EYS: variants seen among roughly 807,000 people sequenced by gnomAD.
EYS encodes EGF-like photoreceptor maintenance factor.
EYS carries 250 observed loss-of-function variants against 282.1 expected under a neutral mutation model. The ratio of observed to expected loss-of-function variants is 0.89; its 90% CI spans 0.80 to 0.98. The LOEUF (loss-of-function observed/expected upper bound fraction) is 0.98, where lower values mean the gene tolerates loss of function less well. EYS is among the 50% of genes least tolerant of loss of function. The pLI is 0.00. For synonymous variants in EYS, 1,355 were observed against 1,282.9 expected (o/e 1.06, Z -1.20); for missense variants, 4,016 against 3,709.0 (o/e 1.08, Z -2.15).
At chr6:65,534,230 C>T (rs1831476) in intron 2 of EYS, among the ~76,000 whole-genome samples, 60,437 of 151,858 alleles carry the variant, frequency 0.4, 13,058 homozygotes, top group African/African-American at 0.58. Flanking sequence ...CATGATGCTG[C>T]GTGCTATCTA....
chr6:64,020,067 C>T (rs1464691208), intron 33 of EYS, among the ~76,000 whole-genome samples: 1 of 151,912 alleles, frequency 6.6e-6, no homozygotes, highest in African/African-American at 2.4e-5. Flanking sequence ...CTATTACAAA[C>T]ATCTAAACTC....
intron 2 of EYS, among the ~76,000 whole-genome samples, chr6:65,613,018 T>C (rs1255713775): frequency 3.3e-5 from 5 of 151,764 alleles, no homozygotes; most frequent in Non-Finnish European, 4.4e-5. Flanking sequence ...AAACTTAAAT[T>C]AACTTTTTTC....
At chr6:64,926,809 T>C (rs1480649212) in intron 15 of EYS, among the ~76,000 whole-genome samples, 1 of 152,114 alleles carries the variant, frequency 6.6e-6, no homozygotes, top group East Asian at 1.9e-4. Flanking sequence ...GTTTAAAAAC[T>C]TTGAAAAAGA....
chr6:64,097,444 C>T (rs1436721150), intron 31 of EYS, among the ~76,000 whole-genome samples: 3 of 152,176 alleles, frequency 2.0e-5, no homozygotes, highest in Non-Finnish European at 4.4e-5. Flanking sequence ...ACTCAAGCCT[C>T]ATCAGTTGCG....
intron 31 of EYS, among the ~76,000 whole-genome samples, chr6:64,114,035 ACCTGG>A (rs1773296149): frequency 6.6e-6 from 1 of 152,190 alleles, no homozygotes; most frequent in African/African-American, 2.4e-5. Context: ...ATAATTTACT[ACCTGG>A]CCCTTTACAG....
chr6:65,502,542 G>T (rs538443226), intron 2 of EYS, among the ~76,000 whole-genome samples: 99 of 151,584 alleles, frequency 6.5e-4, no homozygotes, highest in Non-Finnish European at 1.0e-3. Context: ...ATTAATATTA[G>T]TATATTAACT....
intron 2 of EYS, among the ~76,000 whole-genome samples, chr6:65,499,412 A>T (rs1253134176): frequency 2.0e-5 from 3 of 152,002 alleles, no homozygotes; most frequent in Non-Finnish European, 4.4e-5. Context: ...TGCACTCAAT[A>T]GACAATATTA....
intron 33 of EYS, among the ~76,000 whole-genome samples, chr6:64,016,687 G>T (rs1768908966): frequency 6.6e-6 from 1 of 151,930 alleles, no homozygotes; most frequent in Admixed American, 6.6e-5. Flanking sequence ...TGCTGCCAAG[G>T]CTGGCCTCAA....
chr6:65,565,992 A>C (rs1769267356), intron 2 of EYS, among the ~76,000 whole-genome samples: 2 of 151,930 alleles, frequency 1.3e-5, no homozygotes, highest in Admixed American at 1.3e-4. Flanking sequence ...AGAAATACCT[A>C]ATGTAGATGA....
chr6:65,266,991 G>GAT (rs1767774961), intron 12 of EYS, among the ~76,000 whole-genome samples: 2 of 100,910 alleles, frequency 2.0e-5, no homozygotes, highest in African/African-American at 8.8e-5. Context: ...TATATATATA[G>GAT]AGAGAGAGAG....
chr6:64,265,760 A>C (rs1767738242), intron 30 of EYS, among the ~76,000 whole-genome samples: 1 of 152,180 alleles, frequency 6.6e-6, no homozygotes, highest in Admixed American at 6.6e-5. Flanking sequence ...CCTGAGTATT[A>C]ATGAGATTTT....
intron 36 of EYS, among the ~76,000 whole-genome samples, chr6:63,857,959 C>T (rs1446969014): frequency 6.6e-6 from 1 of 152,036 alleles, no homozygotes; most frequent in Non-Finnish European, 1.5e-5. Context: ...TATGTGATAG[C>T]ATTAAATGTT....
chr6:63,826,173 ATTAAT>A (rs1409721187), intron 36 of EYS, among the ~76,000 whole-genome samples: 10 of 152,266 alleles, frequency 6.6e-5, no homozygotes, highest in Middle Eastern at 3.4e-3. Context: ...AGGTCTTTGG[ATTAAT>A]CCAATCCAAC....
At chr6:65,479,675 A>T (rs1178344068) in intron 5 of EYS, among the ~76,000 whole-genome samples, 1 of 152,200 alleles carries the variant, frequency 6.6e-6, no homozygotes, top group East Asian at 1.9e-4. Flanking sequence ...AACTGAGTGG[A>T]TTATAAACCT....
chr6:64,259,565 A>C (rs183331150), intron 30 of EYS, among the ~76,000 whole-genome samples: 1 of 151,776 alleles, frequency 6.6e-6, no homozygotes, highest in Non-Finnish European at 1.5e-5. Flanking sequence ...CCTAACTTTG[A>C]TATGTGTGCC....
intron 5 of EYS, among the ~76,000 whole-genome samples, chr6:65,464,628 C>T (rs1308669195): frequency 2.0e-5 from 3 of 152,152 alleles, no homozygotes; most frequent in African/African-American, 7.2e-5. Context: ...GCCCTATCTC[C>T]TCTAAACCAT....
At chr6:64,588,472 G>T (rs1418763463) in intron 26 of EYS, among the ~76,000 whole-genome samples, 1 of 152,018 alleles carries the variant, frequency 6.6e-6, no homozygotes, top group Non-Finnish European at 1.5e-5. Context: ...CAACAGGAAA[G>T]GGGTTGTCTA....
chr6:64,517,335 G>C (rs1332012971), intron 26 of EYS, among the ~76,000 whole-genome samples: 1 of 151,810 alleles, frequency 6.6e-6, no homozygotes, highest in African/African-American at 2.4e-5. Context: ...AGGATAATTT[G>C]CCAGGAGAGA....
intron 30 of EYS, among the ~76,000 whole-genome samples, chr6:64,264,083 C>G (rs934596573): frequency 2.7e-4 from 35 of 132,000 alleles, no homozygotes; most frequent in African/African-American, 9.8e-4. Flanking sequence ...ATATTCAATA[C>G]TCTAGTGAGC....
Sources: gnomAD v4.1 joint callset for allele counts (sites outside exome capture counted in the v4.1 genomes callset) on GRCh38, gnomAD v4.1.1 for gene constraint, MANE v1.5 for transcripts, NCBI Gene and HGNC (gene_info 2026-07-23, HGNC 2026-07-21) for gene names.